Variants in TPRG1 observed in about 807,000 individuals in gnomAD.
TPRG1 encodes tumor protein p63-regulated gene 1 protein.
Under a neutral mutation model 29.3 loss-of-function variants are expected in TPRG1, and 29 were observed. The ratio of observed to expected loss-of-function variants is 0.99; its 90% CI spans 0.74 to 1.35. The LOEUF is 1.35. TPRG1 is among the 40% of genes most tolerant of loss of function. The pLI is 0.00. For synonymous variants in TPRG1, 130 were observed against 116.8 expected, an observed-to-expected ratio of 1.11 and a Z score of -0.73; for missense variants, 327 against 335.0, an observed-to-expected ratio of 0.98 and a Z score of 0.19.
chr3:189,306,972 C>T (rs1721726677), intron 4 of TPRG1, among the ~76,000 whole-genome samples: 1 of 152,182 alleles, frequency 6.6e-6, no homozygotes, highest in Non-Finnish European at 1.5e-5. Context: ...GCAACCTTTA[C>T]TTAGGACTTT....
chr3:189,159,557 A>G (rs114488916), intron 5 of TPRG1, among the ~76,000 whole-genome samples: 3,935 of 152,282 alleles, frequency 0.026, 80 homozygotes, highest in Non-Finnish European at 0.041. Context: ...GTACAGCACT[A>G]TCTAACGCAG....
At chr3:189,203,097 CTT>C (rs1560545865) in intron 1 of TPRG1, among the ~76,000 whole-genome samples, 1 of 152,064 alleles carries the variant, frequency 6.6e-6, no homozygotes, top group African/African-American at 2.4e-5. Context: ...TAAACAATAA[CTT>C]TTAAGCTATA....
chr3:189,299,196 C>T (rs1720440394), intron 4 of TPRG1, among the ~76,000 whole-genome samples: 1 of 151,898 alleles, frequency 6.6e-6, no homozygotes, highest in Admixed American at 6.6e-5. Context: ...CAGTGATTTG[C>T]CAAATGTACC....
intron 1 of TPRG1, among the ~76,000 whole-genome samples, chr3:189,200,404 C>A (rs1284014774): frequency 1.3e-5 from 2 of 152,218 alleles, no homozygotes; most frequent in Non-Finnish European, 2.9e-5. Context: ...CGGAAGCCTG[C>A]ACACATAAAT....
intron 4 of TPRG1, among the ~76,000 whole-genome samples, chr3:189,290,343 C>A (rs1416887941): frequency 6.6e-6 from 1 of 152,186 alleles, no homozygotes; most frequent in African/African-American, 2.4e-5. Context: ...CCACTTAACA[C>A]CTCCTCCCAA....
rs551329992 is a variant in TPRG1 at position 189,065,797 on chromosome 3, C to T, written c.-463+41851C>T. 5.3e-5 allele frequency among the ~76,000 whole-genome samples: 8 copies of T among 151,866 alleles called. No homozygotes were observed. In the South Asian group the frequency reaches 6.2e-4, roughly 12 times the overall value. The stretch of plus-strand genomic sequence containing the variant: ...CTACTCTTATTCAATAGAGTACTGG[C>T]GCTCTAGCTACTGCAGTAAGCTAAG... On this transcript the variant is annotated intron_variant, in intron 4 of 10. Transcript: ENST00000433971.
chr3:189,105,562 G>C (rs1200065763), intron 1 of TPRG1, among the ~76,000 whole-genome samples: 1 of 150,780 alleles, frequency 6.6e-6, no homozygotes, highest in Non-Finnish European at 1.5e-5. Context: ...GTATGTGGTA[G>C]GTATGTGGGG....
chr3:189,008,069 A>G (rs946401390), intron 3 of TPRG1, among the ~76,000 whole-genome samples: 22 of 86,976 alleles, frequency 2.5e-4, no homozygotes, highest in Non-Finnish European at 4.5e-4. Flanking sequence ...AGAAAGAAAA[A>G]AAAAAAAACG....
chr3:189,093,961 C>G (rs1220346665), intron 4 of TPRG1, among the ~76,000 whole-genome samples: 1 of 151,824 alleles, frequency 6.6e-6, no homozygotes, highest in African/African-American at 2.4e-5. Context: ...AAGCAGCCCT[C>G]GGGACATCAG....
At chr3:189,003,794 G>A (rs710503) in intron 2 of TPRG1, among the ~76,000 whole-genome samples, 1 of 151,934 alleles carries the variant, frequency 6.6e-6, no homozygotes, top group African/African-American at 2.4e-5. Context: ...TATGCCAGAG[G>A]GTACCATGGT....
intron 4 of TPRG1, among the ~76,000 whole-genome samples, chr3:189,094,243 G>T (rs60630062): frequency 0.017 from 2,597 of 152,210 alleles, 72 homozygotes; most frequent in African/African-American, 0.059. Context: ...TGGAAAGGGG[G>T]CCTCACTCAG....
intron 3 of TPRG1, among the ~76,000 whole-genome samples, chr3:189,010,260 T>C (rs1179902966): frequency 6.6e-6 from 1 of 152,156 alleles, no homozygotes; most frequent in Non-Finnish European, 1.5e-5. Flanking sequence ...AACATGTGTC[T>C]TAATAATAGA....
intron 3 of TPRG1, among the ~76,000 whole-genome samples, chr3:189,146,049 C>G (rs891416009): frequency 1.4e-4 from 22 of 152,150 alleles, no homozygotes; most frequent in African/African-American, 5.3e-4. Context: ...AAAAGGGAGA[C>G]AATCTGGATA....
At chr3:189,106,567 C>T (rs2378467) in intron 1 of TPRG1, among the ~76,000 whole-genome samples, 65,713 of 151,944 alleles carry the variant, frequency 0.43, 19,169 homozygotes, top group African/African-American at 0.82. Context: ...TTCTGTCTGC[C>T]TTGTTTACTG....
At chr3:189,066,279 A>G (rs949110012) in intron 4 of TPRG1, among the ~76,000 whole-genome samples, 3 of 152,156 alleles carry the variant, frequency 2.0e-5, no homozygotes, top group Non-Finnish European at 4.4e-5. Flanking sequence ...AACTATTTCA[A>G]TAAATAGAGG....
At chr3:189,153,554 C>T (rs930179590) in intron 5 of TPRG1, among the ~76,000 whole-genome samples, 3 of 152,048 alleles carry the variant, frequency 2.0e-5, no homozygotes, top group African/African-American at 4.8e-5. Context: ...GGTGGTGTCA[C>T]TCCCCAAGTG....
intron 2 of TPRG1, among the ~76,000 whole-genome samples, chr3:189,131,530 G>T (rs1305909355): frequency 1.3e-5 from 2 of 152,028 alleles, no homozygotes; most frequent in Non-Finnish European, 2.9e-5. Context: ...AATGCAGTAG[G>T]ACTTTATATT....
intron 5 of TPRG1, among the ~76,000 whole-genome samples, chr3:189,156,050 C>A (rs1034440202): frequency 7.9e-5 from 12 of 152,144 alleles, no homozygotes; most frequent in African/African-American, 2.9e-4. Context: ...TTGTGGTAAT[C>A]ATTTCACAAT....
chr3:189,302,759 C>A (rs1485280183), intron 4 of TPRG1, among the ~76,000 whole-genome samples: 1 of 152,188 alleles, frequency 6.6e-6, no homozygotes, highest in Admixed American at 6.5e-5. Flanking sequence ...GAAAACACAG[C>A]TTTTTCTAAT....
Sources: allele counts gnomAD v4.1 joint callset (sites outside exome capture counted in the v4.1 genomes callset), GRCh38; gene constraint gnomAD v4.1.1; transcripts MANE v1.5; gene names NCBI Gene and HGNC (gene_info 2026-07-23, HGNC 2026-07-21).